Variants in PDLIM5 observed in about 807,000 individuals in gnomAD.
The protein encoded by PDLIM5 is PDZ and LIM domain 5, also known as PDZ and LIM domain protein 5.
Under a neutral mutation model 64.2 loss-of-function variants are expected in PDLIM5, and 34 were observed. That is an observed-to-expected ratio of 0.53 (90% confidence interval 0.40 to 0.71). The LOEUF (loss-of-function observed/expected upper bound fraction) is 0.71, where lower values mean the gene tolerates loss of function less well. Ranked by LOEUF, PDLIM5 falls within the 30% of genes least tolerant of loss-of-function variation. The pLI, the probability that PDLIM5 is intolerant of heterozygous loss-of-function variation, is 0.00. For missense variants in PDLIM5, 683 were observed against 733.6 expected, an observed-to-expected ratio of 0.93 and a Z score of 0.80; for synonymous variants, 253 against 269.1, an observed-to-expected ratio of 0.94 and a Z score of 0.59.
At chr4:94,643,069 T>TA (rs111871710) in intron 9 of PDLIM5, among the ~76,000 whole-genome samples, 4 of 152,078 alleles carry the variant, frequency 2.6e-5, no homozygotes, top group Middle Eastern at 3.4e-3. Flanking sequence ...TTTATTTATT[T>TA]TTTTTTTTTC....
chr4:94,502,499 C>T (rs1425465304), intron 2 of PDLIM5, among the ~76,000 whole-genome samples: 2 of 152,174 alleles, frequency 1.3e-5, no homozygotes, highest in East Asian at 3.9e-4. Flanking sequence ...TGACCTTAGA[C>T]TAGCAACTTA....
At chr4:94,638,828 TATTC>T (rs1740778611) in intron 8 of PDLIM5, among the ~76,000 whole-genome samples, 1 of 152,238 alleles carries the variant, frequency 6.6e-6, no homozygotes, top group Admixed American at 6.5e-5. Flanking sequence ...CCAGTTTATT[TATTC>T]ATTCATTTAT....
At chr4:94,619,344 TTTTTTTTC>T (rs1739033820) in intron 8 of PDLIM5, among the ~76,000 whole-genome samples, 1 of 14,912 alleles carries the variant, frequency 6.7e-5, no homozygotes, top group Admixed American at 1.3e-3. Flanking sequence ...GTGATCTTTC[TTTTTTTTC>T]TTTTTTTTTT....
intron 7 of PDLIM5, among the ~76,000 whole-genome samples, 174 bp downstream of exon 7, chr4:94,586,618 A>C (rs1422234746): frequency 6.6e-6 from 1 of 152,214 alleles, no homozygotes; most frequent in Non-Finnish European, 1.5e-5. Flanking sequence ...AGATTTTAAA[A>C]GTAGTAGATA....
chr4:94,627,740 G>A (rs1255239716), intron 8 of PDLIM5, among the ~76,000 whole-genome samples: 1 of 152,162 alleles, frequency 6.6e-6, no homozygotes, highest in Non-Finnish European at 1.5e-5. Flanking sequence ...AAAAAGTTTT[G>A]TTAACACTGG....
chr4:94,600,050 G>A (rs1429826446), intron 7 of PDLIM5, among the ~76,000 whole-genome samples: 1 of 152,106 alleles, frequency 6.6e-6, no homozygotes, highest in African/African-American at 2.4e-5. Flanking sequence ...TGACCCAAGG[G>A]ATTTGAACTT....
At chr4:94,539,747 ATAG>A (rs1731618894) in intron 3 of PDLIM5, among the ~76,000 whole-genome samples, 1 of 152,196 alleles carries the variant, frequency 6.6e-6, no homozygotes, top group Admixed American at 6.5e-5. Context: ...TAGGTGGTTG[ATAG>A]TAGGAGGAAA....
intron 7 of PDLIM5, among the ~76,000 whole-genome samples, chr4:94,611,990 G>A (rs527553796): frequency 2.0e-5 from 3 of 152,274 alleles, no homozygotes; most frequent in Admixed American, 2.0e-4. Flanking sequence ...GGCCAAGGCT[G>A]GTGGATCATG....
chr4:94,610,964 C>A, intron 7 of PDLIM5: 2 of 778,040 alleles, frequency 2.6e-6, no homozygotes, highest in African/African-American at 3.5e-5. Context: ...CTCTCCCCAC[C>A]CTCTCTCTCG....
chr4:94,563,623 C>A (rs1454478231), intron 3 of PDLIM5, among the ~76,000 whole-genome samples: 3 of 152,100 alleles, frequency 2.0e-5, no homozygotes, highest in Non-Finnish European at 4.4e-5. Context: ...AAAAGGTTTG[C>A]AATTTAACAC....
At chr4:94,579,550 A>C (rs1372712181) in intron 5 of PDLIM5, 1 of 1,363,876 alleles carries the variant, frequency 7.3e-7, no homozygotes, top group Non-Finnish European at 1.0e-6. Flanking sequence ...TAGTATCCAC[A>C]TTACTGGAGA....
intron 5 of PDLIM5, among the ~76,000 whole-genome samples, chr4:94,583,850 G>A (rs542553104): frequency 2.6e-5 from 4 of 152,100 alleles, no homozygotes; most frequent in East Asian, 3.8e-4. Flanking sequence ...CTCATGTTAT[G>A]TACTGCAGAA....
At chr4:94,514,133 CTT>C (rs34757067) in intron 2 of PDLIM5, among the ~76,000 whole-genome samples, 23,596 of 114,928 alleles carry the variant, frequency 0.21, 1,829 homozygotes, top group East Asian at 0.25. Flanking sequence ...CTAGTATTTT[CTT>C]TTTTTTTTTT....
At chr4:94,550,683 C>T (rs1732730898) in intron 3 of PDLIM5, among the ~76,000 whole-genome samples, 1 of 152,098 alleles carries the variant, frequency 6.6e-6, no homozygotes, top group South Asian at 2.1e-4. Flanking sequence ...TCTAAAACTC[C>T]AATTTTGGAA....
At chr4:94,635,502 A>C (rs1740486466) in intron 8 of PDLIM5, among the ~76,000 whole-genome samples, 1 of 152,152 alleles carries the variant, frequency 6.6e-6, no homozygotes, top group Middle Eastern at 3.2e-3. Flanking sequence ...TGTCATCCTT[A>C]AGCTATCTCT....
chr4:94,505,740 A>G (rs1728336249), intron 2 of PDLIM5, among the ~76,000 whole-genome samples: 1 of 152,178 alleles, frequency 6.6e-6, no homozygotes, highest in African/African-American at 2.4e-5. Flanking sequence ...CAGATGGGAG[A>G]GATGCACAGG....
At chr4:94,607,266 T>C (rs1738003911) in intron 7 of PDLIM5, among the ~76,000 whole-genome samples, 1 of 132,190 alleles carries the variant, frequency 7.6e-6, no homozygotes. Flanking sequence ...ATCCACAGAC[T>C]TTTTTTTTTT....
At chr4:94,656,408 A>G (rs17021948) in intron 10 of PDLIM5, among the ~76,000 whole-genome samples, 1 of 152,078 alleles carries the variant, frequency 6.6e-6, no homozygotes, top group African/African-American at 2.4e-5. Flanking sequence ...ATAACTTGGT[A>G]TGTTTAACCA....
At chr4:94,555,713 G>T (rs962638794) in intron 3 of PDLIM5, among the ~76,000 whole-genome samples, 1 of 151,658 alleles carries the variant, frequency 6.6e-6, no homozygotes, top group South Asian at 2.1e-4. Context: ...TGGATATCGT[G>T]TGCCAATTCT....
Sources: gnomAD v4.1 joint callset for allele counts (sites outside exome capture counted in the v4.1 genomes callset) on GRCh38, gnomAD v4.1.1 for gene constraint, MANE v1.5 for transcripts, NCBI Gene and HGNC (gene_info 2026-07-23, HGNC 2026-07-21) for gene names.